The following MYO1D variants were observed in gnomAD, a reference collection of about 807,000 sequenced individuals.
The protein encoded by MYO1D is myosin ID.
MYO1D carries 83 observed loss-of-function variants against 122.0 expected under a neutral mutation model. That is an observed-to-expected ratio of 0.68 (90% confidence interval 0.57 to 0.82). The LOEUF is 0.82. Among genes scored for constraint, MYO1D ranks in the 40% least tolerant of loss-of-function variants. MYO1D has a pLI of 0.00. For missense variants in MYO1D, 1,157 were observed against 1,269.5 expected (o/e 0.91, Z 1.35); for synonymous variants, 464 against 446.9 (o/e 1.04, Z -0.48).
At chr17:32,841,223 T>C (rs1237402996) in intron 1 of MYO1D, among the ~76,000 whole-genome samples, 1 of 152,110 alleles carries the variant, frequency 6.6e-6, no homozygotes, top group East Asian at 1.9e-4. Context: ...TTCCAGAGCT[T>C]TGGGAGACCT....
chr17:32,873,358 A>C (rs975629964), intron 1 of MYO1D, among the ~76,000 whole-genome samples: 2 of 152,218 alleles, frequency 1.3e-5, no homozygotes, highest in Admixed American at 6.5e-5. Context: ...GGAGGACAGG[A>C]CATTCCAGAC....
chr17:32,662,588 G>A (rs372410921), intron 16 of MYO1D, among the ~76,000 whole-genome samples: 10 of 152,030 alleles, frequency 6.6e-5, no homozygotes, highest in Non-Finnish European at 7.4e-5. Context: ...CAGGAGAATC[G>A]CCTGAACCTG....
chr17:32,598,831 C>T (rs959527079), intron 21 of MYO1D, among the ~76,000 whole-genome samples: 4 of 152,084 alleles, frequency 2.6e-5, no homozygotes, highest in East Asian at 1.9e-4. Flanking sequence ...ACAGAGAAGC[C>T]GGTTGAATGT....
intron 17 of MYO1D, among the ~76,000 whole-genome samples, chr17:32,654,930 G>A (rs955545215): frequency 9.9e-5 from 15 of 152,110 alleles, no homozygotes; most frequent in Admixed American, 5.9e-4. Context: ...TGCCTGCCTC[G>A]GCCTCCCAAA....
chr17:32,525,896 T>G (rs1268497058), intron 21 of MYO1D, among the ~76,000 whole-genome samples: 3 of 152,206 alleles, frequency 2.0e-5, no homozygotes, highest in Non-Finnish European at 4.4e-5. Flanking sequence ...CCTGCCCTTC[T>G]CGCTAGGTCA....
rs530329148 is a variant in MYO1D, at chr17:32,752,999, A to G, written c.1467+2493T>C. Reference sequence around the variant, plus strand: ...ACCATAACATTATTCACAATAGCAAAGTCATGGAAACAATCAATCTAAGTG... The same window carrying G: ...ACCATAACATTATTCACAATAGCAAGGTCATGGAAACAATCAATCTAAGTG... On this transcript the variant is annotated intron_variant, in intron 11 of 21. Transcript: ENST00000318217. 5.3e-5 allele frequency among the ~76,000 whole-genome samples: 8 copies of G among 152,328 alleles called. No homozygotes were observed. In the South Asian group the frequency reaches 8.3e-4, roughly 16 times the overall value.
chr17:32,625,962 G>C (rs903333761), intron 20 of MYO1D, among the ~76,000 whole-genome samples: 3 of 152,360 alleles, frequency 2.0e-5, no homozygotes, highest in East Asian at 3.9e-4. Context: ...ATGAAGCCCA[G>C]CTCCATTCTT....
chr17:32,862,376 G>T (rs779622959), intron 1 of MYO1D, among the ~76,000 whole-genome samples: 5 of 152,192 alleles, frequency 3.3e-5, no homozygotes, highest in Non-Finnish European at 7.4e-5. Flanking sequence ...AAAGAATAAA[G>T]ACAACGTGGC....
chr17:32,791,655 A>G (rs1297799271), intron 1 of MYO1D, among the ~76,000 whole-genome samples: 1 of 152,146 alleles, frequency 6.6e-6, no homozygotes, highest in Non-Finnish European at 1.5e-5. Flanking sequence ...AATGTAAACA[A>G]CTGATAAAGA....
chr17:32,497,274 G>A (rs1006926857), intron 21 of MYO1D, among the ~76,000 whole-genome samples: 1 of 151,920 alleles, frequency 6.6e-6, no homozygotes, highest in African/African-American at 2.4e-5. Flanking sequence ...GGAGCCCATC[G>A]CTCCTCTCTA....
chr17:32,818,462 C>T (rs976235152), intron 1 of MYO1D, among the ~76,000 whole-genome samples: 29 of 152,074 alleles, frequency 1.9e-4, no homozygotes, highest in African/African-American at 7.0e-4. Context: ...GGCAGATGCT[C>T]GATGGACACA....
At chr17:32,589,266 C>G (rs1258854791) in intron 21 of MYO1D, among the ~76,000 whole-genome samples, 2 of 152,188 alleles carry the variant, frequency 1.3e-5, no homozygotes, top group African/African-American at 4.8e-5. Flanking sequence ...CCCGTGGGTT[C>G]CCTATGCTCT....
chr17:32,848,696 G>A (rs1263272035), intron 1 of MYO1D, among the ~76,000 whole-genome samples: 1 of 152,126 alleles, frequency 6.6e-6, no homozygotes, highest in Non-Finnish European at 1.5e-5. Flanking sequence ...TTTCTGTGGG[G>A]TATCAGTCCC....
intron 1 of MYO1D, among the ~76,000 whole-genome samples, chr17:32,846,994 C>CAA (rs2090943415): frequency 6.6e-6 from 1 of 151,980 alleles, no homozygotes; most frequent in Non-Finnish European, 1.5e-5. Flanking sequence ...TTCAAACAAA[C>CAA]AAACAAATAA....
At chr17:32,605,486 CTT>C (rs2087616354) in intron 20 of MYO1D, among the ~76,000 whole-genome samples, 1 of 151,182 alleles carries the variant, frequency 6.6e-6, no homozygotes, top group East Asian at 1.9e-4. Context: ...GACCCCCTGA[CTT>C]TAATCTTCTA....
In MYO1D at chr17:32,523,040, C is replaced by T. The variant is rs559754300; in HGVS notation, c.2865-28125G>A. On this transcript the variant is annotated intron_variant, in intron 21 of 21. Transcript: ENST00000318217. The stretch of plus-strand genomic sequence containing the variant: ...CCATGTTAGCCAGGATGGTCTCGAT[C>T]TCCTGACCTTGTGATCTGCCCACCT... Among the ~76,000 whole-genome samples, 24 of 152,312 alleles carry T rather than the reference C, an allele frequency of 1.6e-4. No individual in the cohort carries two copies. The South Asian group carries it at 5.0e-3, about 32-fold the overall frequency.
chr17:32,584,766 T>A (rs1270922374), intron 21 of MYO1D, among the ~76,000 whole-genome samples: 1 of 152,212 alleles, frequency 6.6e-6, no homozygotes, highest in Non-Finnish European at 1.5e-5. Context: ...ATTACAGGCA[T>A]GAGCCATAGC....
intron 1 of MYO1D, among the ~76,000 whole-genome samples, chr17:32,826,409 T>A (rs1039087817): frequency 6.6e-6 from 1 of 152,202 alleles, no homozygotes; most frequent in Non-Finnish European, 1.5e-5. Flanking sequence ...TACATAGAGA[T>A]GCTTTTCTTA....
intron 1 of MYO1D, among the ~76,000 whole-genome samples, chr17:32,807,711 C>T (rs2090529401): frequency 6.6e-6 from 1 of 152,170 alleles, no homozygotes; most frequent in African/African-American, 2.4e-5. Context: ...TTTGAGATGG[C>T]AGAGCCACAA....
Sources: allele counts gnomAD v4.1 joint callset (sites outside exome capture counted in the v4.1 genomes callset), GRCh38; gene constraint gnomAD v4.1.1; transcripts MANE v1.5; gene names NCBI Gene and HGNC (gene_info 2026-07-23, HGNC 2026-07-21).